Variants in ATP9B observed in about 807,000 individuals in gnomAD.
ATP9B encodes the protein probable phospholipid-transporting ATPase IIB.
ATP9B carries 110 observed loss-of-function variants against 146.1 expected under a neutral mutation model. That is an observed-to-expected ratio of 0.75 (90% CI 0.65 to 0.88). The LOEUF is 0.88. Ranked by LOEUF, ATP9B falls within the 40% of genes least tolerant of loss-of-function variation. The pLI is 0.00. For synonymous variants in ATP9B, 604 were observed against 569.7 expected (o/e 1.06, Z -0.86); for missense variants, 1,499 against 1,496.4 (o/e 1.00, Z -0.03).
chr18:79,193,338 T>C (rs2095387361), intron 9 of ATP9B, 75 bp downstream of exon 9: 1 of 1,204,302 alleles, frequency 8.3e-7, no homozygotes, highest in African/African-American at 1.5e-5. Flanking sequence ...GAGACAGTAA[T>C]TCAATCAAGA....
At chr18:79,323,921 C>G (rs1021372366) in intron 15 of ATP9B, among the ~76,000 whole-genome samples, 1 of 152,216 alleles carries the variant, frequency 6.6e-6, no homozygotes, top group Non-Finnish European at 1.5e-5. Flanking sequence ...TTCCCGACAA[C>G]AGTGCTCCCT....
intron 9 of ATP9B, among the ~76,000 whole-genome samples, chr18:79,201,890 T>A (rs1313000760): frequency 1.3e-5 from 2 of 152,064 alleles, no homozygotes; most frequent in Admixed American, 6.6e-5. Context: ...ATTTTTTTTT[T>A]AATTAGCCTA....
chr18:79,260,190 A>AG (rs1163931874), intron 12 of ATP9B, among the ~76,000 whole-genome samples: 2 of 152,192 alleles, frequency 1.3e-5, no homozygotes, highest in East Asian at 3.8e-4. Context: ...ATGGCTAAGG[A>AG]GGCCCCAGGA....
intron 15 of ATP9B, among the ~76,000 whole-genome samples, chr18:79,322,618 C>G (rs1256114673): frequency 1.3e-5 from 2 of 152,208 alleles, no homozygotes; most frequent in Non-Finnish European, 2.9e-5. Context: ...AATTTCCAGA[C>G]AGCAGTTTCT....
intron 13 of ATP9B, among the ~76,000 whole-genome samples, chr18:79,290,222 G>A (rs2096488164): frequency 1.3e-5 from 2 of 152,218 alleles, no homozygotes; most frequent in African/African-American, 2.4e-5. Context: ...CCCAGAGGTG[G>A]AGCCTACAGA....
chr18:79,135,398 A>G (rs1323063089), intron 5 of ATP9B, among the ~76,000 whole-genome samples: 3 of 151,958 alleles, frequency 2.0e-5, no homozygotes, highest in South Asian at 2.1e-4. Context: ...TTTTCTATCT[A>G]TGGATTCTTC....
chr18:79,287,710 G>A (rs1168747001), intron 13 of ATP9B, among the ~76,000 whole-genome samples: 1 of 152,024 alleles, frequency 6.6e-6, no homozygotes, highest in Non-Finnish European at 1.5e-5. Context: ...TGTGATGTTA[G>A]GGTGTCACTT....
chr18:79,271,457 C>A (rs1431798497), intron 12 of ATP9B, among the ~76,000 whole-genome samples: 2 of 144,586 alleles, frequency 1.4e-5, no homozygotes, highest in African/African-American at 5.1e-5. Flanking sequence ...TCTCATTGTT[C>A]AGTTCCCACC....
chr18:79,356,767 T>C (rs920424882), intron 25 of ATP9B, among the ~76,000 whole-genome samples: 1 of 147,824 alleles, frequency 6.8e-6, no homozygotes, highest in Admixed American at 6.8e-5. Context: ...TGGTTGCAGC[T>C]GCAGAGCAGC....
chr18:79,326,580 C>T (rs867929772), intron 15 of ATP9B, among the ~76,000 whole-genome samples: 3 of 152,098 alleles, frequency 2.0e-5, no homozygotes, highest in African/African-American at 7.2e-5. Context: ...TCTCTGTACC[C>T]TCCCTCCCTG....
chr18:79,088,847 G>T (rs1311767209), intron 1 of ATP9B, among the ~76,000 whole-genome samples: 1 of 152,076 alleles, frequency 6.6e-6, no homozygotes, highest in Non-Finnish European at 1.5e-5. Context: ...TTAAATTTCC[G>T]TGGGATAATG....
intron 7 of ATP9B, among the ~76,000 whole-genome samples, chr18:79,157,425 C>A (rs1335690380): frequency 0.011 from 717 of 67,662 alleles, 12 homozygotes; most frequent in African/African-American, 0.035. Flanking sequence ...AAAAAAAAAA[C>A]ATGTATTGAC....
At chr18:79,187,517 C>A (rs2095319123) in intron 8 of ATP9B, among the ~76,000 whole-genome samples, 1 of 152,192 alleles carries the variant, frequency 6.6e-6, no homozygotes, top group Admixed American at 6.5e-5. Context: ...TAAGTGAGAA[C>A]CACCTACACA....
At chr18:79,307,494 A>G in intron 15 of ATP9B, 4 of 472,272 alleles carry the variant, frequency 8.5e-6, no homozygotes, top group South Asian at 5.6e-5. Context: ...AGGGAACAGC[A>G]TGAGAAATAC....
At chr18:79,190,159 G>C (rs1256298174) in intron 8 of ATP9B, among the ~76,000 whole-genome samples, 1 of 152,194 alleles carries the variant, frequency 6.6e-6, no homozygotes, top group Non-Finnish European at 1.5e-5. Context: ...TCACTCGGCT[G>C]CAGATGGTGT....
chr18:79,172,843 A>G (rs2095100138), intron 7 of ATP9B, among the ~76,000 whole-genome samples: 1 of 152,256 alleles, frequency 6.6e-6, no homozygotes, highest in South Asian at 2.1e-4. Context: ...TGCTTTGAAC[A>G]ATTATGTACA....
intron 11 of ATP9B, among the ~76,000 whole-genome samples, chr18:79,215,333 G>A (rs982399431): frequency 1.1e-4 from 17 of 152,236 alleles, no homozygotes; most frequent in African/African-American, 4.1e-4. Context: ...GTTCACTGGG[G>A]CATGCCTTGA....
intron 15 of ATP9B, among the ~76,000 whole-genome samples, chr18:79,310,029 A>G (rs967971252): frequency 6.6e-6 from 1 of 152,236 alleles, no homozygotes; most frequent in Non-Finnish European, 1.5e-5. Flanking sequence ...GACAGTGGAA[A>G]TATGAGCCTA....
At chr18:79,260,485 A>T (rs2096128910) in intron 12 of ATP9B, among the ~76,000 whole-genome samples, 1 of 152,138 alleles carries the variant, frequency 6.6e-6, no homozygotes, top group African/African-American at 2.4e-5. Context: ...CTACTCAGCA[A>T]CTCTGCAGAA....
Sources: allele counts gnomAD v4.1 joint callset (sites outside exome capture counted in the v4.1 genomes callset), GRCh38; gene constraint gnomAD v4.1.1; transcripts MANE v1.5; gene names NCBI Gene and HGNC (gene_info 2026-07-23, HGNC 2026-07-21).